EIPR1: variants seen among roughly 807,000 people sequenced by gnomAD.
EIPR1 encodes EARP complex and GARP complex interacting protein 1.
Under a neutral mutation model 48.1 loss-of-function variants are expected in EIPR1, and 25 were observed. That is an observed-to-expected ratio of 0.52 (90% confidence interval 0.38 to 0.73). The LOEUF (loss-of-function observed/expected upper bound fraction) is 0.73. Ranked by LOEUF, EIPR1 falls within the 30% of genes least tolerant of loss-of-function variation. The pLI, the probability that EIPR1 is intolerant of heterozygous loss-of-function variation, is 0.00. For missense variants in EIPR1, 415 were observed against 506.2 expected (o/e 0.82, Z 1.73); for synonymous variants, 204 against 201.9 (o/e 1.01, Z -0.09).
chr2:3,205,095 C>T (rs569846735), intron 5 of EIPR1, among the ~76,000 whole-genome samples: 3 of 152,260 alleles, frequency 2.0e-5, no homozygotes, highest in East Asian at 1.9e-4. Context: ...GTGTCTAGGG[C>T]GCAGGACGTA....
intron 3 of EIPR1, among the ~76,000 whole-genome samples, chr2:3,299,337 G>T (rs1374275578): frequency 7.4e-6 from 1 of 134,952 alleles, no homozygotes; most frequent in Non-Finnish European, 1.7e-5. Flanking sequence ...CTGGCCCCTT[G>T]TCCTGCAGTG....
chr2:3,214,071 T>G lies in EIPR1; in HGVS notation c.516+78A>C, dbSNP rs1665544670. The G allele has an allele frequency of 6.1e-6, 8 of 1,301,326 alleles. No homozygotes were observed. In the East Asian group the frequency reaches 2.2e-4, roughly 35 times the overall value. 80.6% of individuals were successfully genotyped at this position (1,301,326 alleles called of 1,614,324 possible). On this transcript the variant is annotated intron_variant, in intron 5 of 8. Transcript: ENST00000382125. ...GTGTCCAAGTGATCTCATTGTTCAATTCCCACCTATGAGTGAGAACATGCG... is the reference window on the plus strand; with the variant it reads ...GTGTCCAAGTGATCTCATTGTTCAAGTCCCACCTATGAGTGAGAACATGCG...
Position 3,371,600 on chromosome 2 carries a change from C to G in EIPR1, c.42+6048G>C, listed in dbSNP as rs368940853. On this transcript the variant is annotated intron_variant, in intron 1 of 8. Transcript: ENST00000382125. ...TGCAATCCTAGTCTCTGATAAAACA[C>G]ACTTTAAACCAACAAAGATCAAAAG... 4.8e-3 allele frequency among the ~76,000 whole-genome samples: 734 copies of G among 152,216 alleles called. 5 individuals carry two copies. The highest frequency in any genetic ancestry group is 0.017 in the African/African-American group (686 of 41,532).
At chr2:3,260,542 G>A (rs1357065493) in intron 3 of EIPR1, among the ~76,000 whole-genome samples, 2 of 149,070 alleles carry the variant, frequency 1.3e-5, no homozygotes, top group African/African-American at 4.9e-5. Context: ...AGGGAGGGAA[G>A]GAGGGAAGGA....
At chr2:3,217,242 T>G (rs896781683) in intron 4 of EIPR1, among the ~76,000 whole-genome samples, 1 of 152,212 alleles carries the variant, frequency 6.6e-6, no homozygotes. Context: ...TTGGATGGAA[T>G]TTGAAACACT....
intron 3 of EIPR1, among the ~76,000 whole-genome samples, chr2:3,281,409 C>A (rs902359621): frequency 9.9e-5 from 15 of 152,024 alleles, no homozygotes; most frequent in African/African-American, 3.6e-4. Flanking sequence ...GTAAACAGAT[C>A]CAGGGATTAG....
At position 3,196,875 on chromosome 2, in the gene EIPR1, A is replaced by AC; in HGVS notation, c.653+5dup. On this transcript the variant is annotated splice_donor_region_variant and intron_variant, in intron 6 of 8. Coordinates refer to ENST00000382125, the MANE Select transcript of EIPR1 (RefSeq NM_003310.5). ...AGTGGGGCCTGCGCCGGGTGGGCTC[A>AC]CTGACCTCATGCTCCGGGTGTCCCA... 1 of 1,613,088 alleles carries AC rather than the reference A, an allele frequency of 6.2e-7. No homozygotes were observed.
intron 3 of EIPR1, chr2:3,320,463 T>C (rs1440617454): frequency 6.5e-6 from 1 of 153,892 alleles, no homozygotes; most frequent in African/African-American, 2.4e-5. Context: ...CTCTGCTTCC[T>C]CTTCTTGCAC....
intron 3 of EIPR1, among the ~76,000 whole-genome samples, chr2:3,325,284 G>A (rs1312646125): frequency 2.0e-5 from 3 of 152,212 alleles, no homozygotes; most frequent in South Asian, 2.1e-4. Flanking sequence ...TGCAGAGCAC[G>A]CCTGATGCTC....
chr2:3,351,078 A>C (rs1670562410), intron 2 of EIPR1, among the ~76,000 whole-genome samples: 1 of 150,350 alleles, frequency 6.7e-6, no homozygotes, highest in East Asian at 2.0e-4. Flanking sequence ...GGCTCACTGC[A>C]ACCTCCATCT....
At chr2:3,269,224 A>ATCATCGCACTCAG (rs1234315767) in intron 3 of EIPR1, among the ~76,000 whole-genome samples, 7 of 149,710 alleles carry the variant, frequency 4.7e-5, no homozygotes, top group Non-Finnish European at 8.9e-5. Flanking sequence ...ATCGCACTCA[A>ATCATCGCACTCAG]TCATCGCACT....
rs1004733219 is a variant in EIPR1 at position 3,312,280 on chromosome 2, G to T, written c.259+25737C>A. 6.6e-6 allele frequency among the ~76,000 whole-genome samples: 1 copy of T among 152,118 alleles called. No individual in the cohort carries two copies. The highest frequency in any genetic ancestry group is 2.4e-5 in the African/African-American group (1 of 41,428). ...CCGGGTGTGCTCTGACGTTTTACCC[G>T]CCATCCCACTGACCACAGCTTGGTC... On this transcript the variant is annotated intron_variant, in intron 3 of 8. Transcript: ENST00000382125. The surrounding 1 kb of genome is among the most constrained non-coding windows in gnomAD (Gnocchi z 5.5).
intron 1 of EIPR1, among the ~76,000 whole-genome samples, chr2:3,375,412 G>GTTAACCTC (rs1659843440): frequency 6.6e-6 from 1 of 151,536 alleles, no homozygotes; most frequent in Non-Finnish European, 1.5e-5. Context: ...AGAAAAAAAA[G>GTTAACCTC]AAAATAACAT....
At chr2:3,230,766 T>C (rs1410915176) in intron 4 of EIPR1, among the ~76,000 whole-genome samples, 4 of 152,216 alleles carry the variant, frequency 2.6e-5, no homozygotes, top group African/African-American at 9.6e-5. Context: ...TCTTATGATA[T>C]AAGAAATTAG....
intron 5 of EIPR1, chr2:3,208,642 C>T (rs1003668737): frequency 3.9e-6 from 6 of 1,550,520 alleles, no homozygotes; most frequent in African/African-American, 2.7e-5. Flanking sequence ...TTCTGGTATG[C>T]TTGGCATATG....
At chr2:3,305,492 GCCCTCCACTCCTGTCCAGTTCAA>G (rs1206410214) in intron 3 of EIPR1, among the ~76,000 whole-genome samples, 2 of 147,640 alleles carry the variant, frequency 1.4e-5, no homozygotes, top group Non-Finnish European at 3.0e-5. Flanking sequence ...CGTCAGTTCA[GCCCTCCACTCCTGTCCAGTTCAA>G]CCCTCCACTC....
At chr2:3,203,783 G>A (rs565200684) in intron 5 of EIPR1, among the ~76,000 whole-genome samples, 138 of 152,344 alleles carry the variant, frequency 9.1e-4, no homozygotes, top group African/African-American at 2.7e-3. Context: ...CTTGCTGGCT[G>A]GGATGAGGCA....
chr2:3,294,337 C>T (rs1027273794), intron 3 of EIPR1, among the ~76,000 whole-genome samples: 3 of 148,356 alleles, frequency 2.0e-5, no homozygotes, highest in South Asian at 2.2e-4. Context: ...TCCATCCAGC[C>T]GATCTTCTCT....
At chr2:3,257,607 G>C (rs1282427850) in intron 3 of EIPR1, 152 bp from the exon 4 acceptor site, 2 of 882,402 alleles carry the variant, frequency 2.3e-6, no homozygotes, top group Non-Finnish European at 3.3e-6. Flanking sequence ...GGAGCAGGGA[G>C]AAGCACAGCC....
Sources: allele counts gnomAD v4.1 joint callset (sites outside exome capture counted in the v4.1 genomes callset), GRCh38; gene constraint gnomAD v4.1.1; non-coding constraint Gnocchi (gnomAD v3.1); transcripts MANE v1.5; gene names NCBI Gene and HGNC (gene_info 2026-07-23, HGNC 2026-07-21).